Variants in ZNF804B observed in about 807,000 individuals in gnomAD.
ZNF804B encodes the protein zinc finger 804B.
Under a neutral mutation model 101.4 loss-of-function variants are expected in ZNF804B, and 80 were observed. The ratio of observed to expected loss-of-function variants is 0.79; its 90% CI spans 0.66 to 0.95. The LOEUF is 0.95. Among genes scored for constraint, ZNF804B ranks in the 40% least tolerant of loss-of-function variants. The pLI is 0.00. For synonymous variants in ZNF804B, 622 were observed against 558.8 expected, an observed-to-expected ratio of 1.11 and a Z score of -1.59; for missense variants, 1,673 against 1,561.9, an observed-to-expected ratio of 1.07 and a Z score of -1.20.
chr7:89,003,292 A>G (rs1788317090), intron 1 of ZNF804B, among the ~76,000 whole-genome samples: 1 of 151,984 alleles, frequency 6.6e-6, no homozygotes, highest in South Asian at 2.1e-4. Context: ...GGCACTGCAG[A>G]TTTAGCCCAG....
chr7:88,876,230 T>G (rs191548641), intron 1 of ZNF804B, among the ~76,000 whole-genome samples: 1 of 152,306 alleles, frequency 6.6e-6, no homozygotes, highest in Non-Finnish European at 1.5e-5. Flanking sequence ...TGACCCAGTC[T>G]TTGCAGACCT....
intron 1 of ZNF804B, among the ~76,000 whole-genome samples, chr7:89,074,153 C>G (rs548768578): frequency 1.3e-5 from 2 of 152,168 alleles, no homozygotes; most frequent in East Asian, 3.9e-4. Flanking sequence ...TGTTCATTTA[C>G]GTGAGCCAAT....
At chr7:89,080,361 TTAAA>T (rs1482590600) in intron 1 of ZNF804B, among the ~76,000 whole-genome samples, 1 of 151,940 alleles carries the variant, frequency 6.6e-6, no homozygotes, top group East Asian at 1.9e-4. Flanking sequence ...ATTATAAAAA[TTAAA>T]TAAATGGTAG....
At chr7:88,779,764 C>T (rs1790195434) in intron 1 of ZNF804B, among the ~76,000 whole-genome samples, 1 of 152,134 alleles carries the variant, frequency 6.6e-6, no homozygotes, top group South Asian at 2.1e-4. Flanking sequence ...CTCTCTGTGC[C>T]ACCATGAAAA....
chr7:89,016,353 T>C (rs1190031438), intron 1 of ZNF804B, among the ~76,000 whole-genome samples: 1 of 151,300 alleles, frequency 6.6e-6, no homozygotes, highest in African/African-American at 2.4e-5. Flanking sequence ...TAGATCCCAT[T>C]TGTCAATTTT....
intron 1 of ZNF804B, among the ~76,000 whole-genome samples, chr7:88,945,770 G>C (rs1489287460): frequency 6.6e-6 from 1 of 152,100 alleles, no homozygotes; most frequent in Non-Finnish European, 1.5e-5. Flanking sequence ...TCCTTGAGCA[G>C]TGGTTTGTAG....
At chr7:88,874,056 T>A (rs1791884012) in intron 1 of ZNF804B, among the ~76,000 whole-genome samples, 1 of 152,206 alleles carries the variant, frequency 6.6e-6, no homozygotes, top group South Asian at 2.1e-4. Flanking sequence ...TAAATTACCT[T>A]GGGCAGTATG....
chr7:89,129,040 T>C (rs950386602), intron 1 of ZNF804B, among the ~76,000 whole-genome samples: 1 of 152,016 alleles, frequency 6.6e-6, no homozygotes, highest in South Asian at 2.1e-4. Context: ...GTATCCTTGT[T>C]ATTTCCAGGG....
chr7:89,232,161 C>T (rs1472968252), intron 2 of ZNF804B, among the ~76,000 whole-genome samples: 1 of 151,660 alleles, frequency 6.6e-6, no homozygotes, highest in African/African-American at 2.4e-5. Context: ...TAGCCAGATG[C>T]TTTTTTTTGC....
chr7:89,295,438 G>A (rs904918780), intron 2 of ZNF804B, among the ~76,000 whole-genome samples: 1 of 151,928 alleles, frequency 6.6e-6, no homozygotes, highest in Non-Finnish European at 1.5e-5. Context: ...CCATCTTTTC[G>A]TGCAAATGCT....
chr7:89,020,149 G>A (rs939147836), intron 1 of ZNF804B, among the ~76,000 whole-genome samples: 3 of 152,078 alleles, frequency 2.0e-5, no homozygotes, highest in Non-Finnish European at 2.9e-5. Flanking sequence ...AGCAATATTA[G>A]TGAGTTTCAT....
chr7:89,204,408 G>T (rs1162348517), intron 1 of ZNF804B, among the ~76,000 whole-genome samples: 1 of 152,116 alleles, frequency 6.6e-6, no homozygotes, highest in East Asian at 1.9e-4. Context: ...TTGTGAGTCT[G>T]GAGGAAGAAA....
At chr7:89,156,066 T>TTCTTTCTTTCTCTCTTTCTC (rs1554371377) in intron 1 of ZNF804B, among the ~76,000 whole-genome samples, 5 of 66,536 alleles carry the variant, frequency 7.5e-5, no homozygotes, top group African/African-American at 1.9e-4. Flanking sequence ...CTTTCTTTCT[T>TTCTTTCTTTCTCTCTTTCTC]TCTTTCTCTC....
intron 2 of ZNF804B, among the ~76,000 whole-genome samples, chr7:89,271,326 A>T (rs112132292): frequency 0.22 from 32,880 of 151,964 alleles, 4,116 homozygotes; most frequent in Non-Finnish European, 0.27. Flanking sequence ...TGAGATAATC[A>T]TGTGGTTTTT....
chr7:89,323,841 C>A (rs576210494), intron 2 of ZNF804B, among the ~76,000 whole-genome samples: 17 of 152,236 alleles, frequency 1.1e-4, no homozygotes, highest in Admixed American at 2.0e-4. Context: ...ATTCATTACA[C>A]ACCCTCAAAG....
chr7:89,240,661 T>A (rs1584077190), intron 2 of ZNF804B, among the ~76,000 whole-genome samples: 1 of 152,174 alleles, frequency 6.6e-6, no homozygotes, highest in Admixed American at 6.6e-5. Context: ...AATTGATTTT[T>A]CTTCTTTACC....
chr7:88,787,733 T>C (rs1336199726), intron 1 of ZNF804B, among the ~76,000 whole-genome samples: 1 of 152,160 alleles, frequency 6.6e-6, no homozygotes, highest in Non-Finnish European at 1.5e-5. Flanking sequence ...AGAAACAAAT[T>C]ACACTTCTAA....
intron 1 of ZNF804B, among the ~76,000 whole-genome samples, chr7:88,890,034 C>G (rs1036301838): frequency 6.6e-6 from 1 of 151,948 alleles, no homozygotes; most frequent in Non-Finnish European, 1.5e-5. Context: ...AACAAGGAGT[C>G]CTTTAACAAA....
At chr7:89,263,812 A>G (rs1376359617) in intron 2 of ZNF804B, among the ~76,000 whole-genome samples, 4 of 152,166 alleles carry the variant, frequency 2.6e-5, no homozygotes, top group African/African-American at 9.7e-5. Context: ...TGGAAGAGGC[A>G]GGGAGGGATT....
Sources: gnomAD v4.1 joint callset for allele counts (sites outside exome capture counted in the v4.1 genomes callset) on GRCh38, gnomAD v4.1.1 for gene constraint, MANE v1.5 for transcripts, NCBI Gene and HGNC (gene_info 2026-07-23, HGNC 2026-07-21) for gene names.